The following SVEP1 variants were observed in gnomAD, a reference collection of about 807,000 sequenced individuals.
SVEP1 encodes the protein sushi, von Willebrand factor type A, EGF and pentraxin domain containing 1.
A neutral mutation model predicts 367.3 loss-of-function variants in SVEP1; 164 were observed. That is an observed-to-expected ratio of 0.45 (90% CI 0.39 to 0.51). SVEP1 has a LOEUF of 0.51. SVEP1 is among the 20% of genes least tolerant of loss of function. The probability of loss-of-function intolerance (pLI) is 0.00; values close to 1 mark genes in which losing one functional copy is unlikely to be tolerated. For missense variants in SVEP1, 4,117 were observed against 4,425.3 expected (o/e 0.93, Z 1.98); for synonymous variants, 1,666 against 1,611.6 (o/e 1.03, Z -0.81).
rs149143822 is a variant in SVEP1, at chr9:110,554,463, A to C, written c.532-4359T>G. Among the ~76,000 whole-genome samples the C allele has an allele frequency of 7.2e-4, 110 of 152,218 alleles. 1 individual carries two copies. In the East Asian group the frequency reaches 0.013, roughly 18 times the overall value. The stretch of plus-strand genomic sequence containing the variant: ...TGGTCTCCAAATACTATTACCCACT[A>C]AAAGGAACCAGGAATTGGTGAAGAA... On this transcript the variant is annotated intron_variant, in intron 1 of 47. Coordinates refer to ENST00000374469, the MANE Select transcript of SVEP1 (RefSeq NM_153366.4).
intron 12 of SVEP1, 150 bp downstream of exon 12, chr9:110,481,092 G>T: frequency 1.8e-6 from 1 of 545,660 alleles, no homozygotes; most frequent in Admixed American, 3.9e-5. Flanking sequence ...TTAAATCCAG[G>T]AAAGAGTAAT....
At chr9:110,533,042 A>C (rs1217886400) in intron 3 of SVEP1, among the ~76,000 whole-genome samples, 3 of 152,096 alleles carry the variant, frequency 2.0e-5, no homozygotes, top group Non-Finnish European at 4.4e-5. Context: ...TAGATGCCTC[A>C]CATGTGCAGT....
Position 110,411,225 on chromosome 9 carries a change from GTA to G in SVEP1, c.6484_6485del (p.Tyr2162GlnfsTer32). ...TGTAAGCCACCATGGCTCCAAAACT[GTA>G]GTTTGATCCACTTGCATAGCCATTC... ...IMNGYASGSN[Y>X]SFGAMVAYSC... is the part of the protein sequence containing the mutation. On this transcript the variant is annotated frameshift_variant, in exon 37 of 48. Coordinates refer to ENST00000374469, the MANE Select transcript of SVEP1 (RefSeq NM_153366.4). LOFTEE classifies it high-confidence loss of function. 1 of 1,614,006 alleles carries G rather than the reference GTA, an allele frequency of 6.2e-7. No homozygotes were observed. The highest frequency in any genetic ancestry group is 8.5e-7 in the Non-Finnish European group (1 of 1,179,890).
chr9:110,525,738 C>T (rs1829931686), intron 3 of SVEP1, among the ~76,000 whole-genome samples: 1 of 151,426 alleles, frequency 6.6e-6, no homozygotes, highest in African/African-American at 2.4e-5. Context: ...AATCCAGAAA[C>T]AGAGCTACAC....
rs9969834 is a variant in SVEP1 at position 110,494,281 on chromosome 9, G to T, written c.1800+2534C>A. Among the ~76,000 whole-genome samples the T allele has an allele frequency of 2.0e-4, 31 of 152,292 alleles. 1 individual carries two copies. The highest frequency in any genetic ancestry group is 7.2e-4 in the African/African-American group (30 of 41,560). On this transcript the variant is annotated intron_variant, in intron 8 of 47. Coordinates refer to ENST00000374469, the MANE Select transcript of SVEP1 (RefSeq NM_153366.4). ...GACAGAGACGGGGAGGCATAGAAGG[G>T]GGAAAATAGCATCAATTGCTCCTCT... is the stretch of plus-strand genomic sequence containing the variant.
At chr9:110,435,209 T>C (rs1174212147) in intron 29 of SVEP1, 32 bp downstream of exon 29, 1 of 1,608,332 alleles carries the variant, frequency 6.2e-7, no homozygotes, top group African/African-American at 1.3e-5. Context: ...GGTCAAGAGA[T>C]AGTGGAGTCT....
chr9:110,377,614 C>T (rs550240668), intron 44 of SVEP1, among the ~76,000 whole-genome samples: 1 of 152,194 alleles, frequency 6.6e-6, no homozygotes, highest in African/African-American at 2.4e-5. Flanking sequence ...ATATTTTTTA[C>T]AACCTGATGT....
intron 46 of SVEP1, among the ~76,000 whole-genome samples, chr9:110,373,892 T>C (rs1827313098): frequency 6.6e-6 from 1 of 152,194 alleles, no homozygotes; most frequent in Non-Finnish European, 1.5e-5. Context: ...GCTAACAGGA[T>C]GTTTTTTACT....
chr9:110,560,736 T>C (rs941202046), intron 1 of SVEP1, among the ~76,000 whole-genome samples: 3 of 152,176 alleles, frequency 2.0e-5, no homozygotes, highest in East Asian at 1.9e-4. Context: ...GAGTAATCTA[T>C]GGTGCCTTCT....
At chr9:110,495,676 AATAAC>A in intron 8 of SVEP1, among the ~76,000 whole-genome samples, 1 of 152,240 alleles carries the variant, frequency 6.6e-6, no homozygotes, top group East Asian at 1.9e-4. Context: ...TAAGTGTAGA[AATAAC>A]ATAATATTTA....
In SVEP1 at chr9:110,446,810, G is replaced by A. The variant is rs73655348; in HGVS notation, c.4261+90C>T. The A allele has an allele frequency of 6.5e-3, 7,915 of 1,216,158 alleles. 238 individuals are homozygous for A. In the African/African-American group the frequency reaches 0.085, roughly 13 times the overall value. The allele number at this position is 1,216,158 out of a possible 1,614,324, so 75.3% of individuals were successfully genotyped here. ...GTGCTTGGCATCGTTTTTGGCCTACGGACACTGCTTGGTGCAGGCAAAATT... is the reference window on the plus strand; with the variant it reads ...GTGCTTGGCATCGTTTTTGGCCTACAGACACTGCTTGGTGCAGGCAAAATT... On this transcript the variant is annotated intron_variant, in intron 25 of 47. Transcript: ENST00000374469.
At chr9:110,555,927 G>A (rs979168028) in intron 1 of SVEP1, among the ~76,000 whole-genome samples, 2 of 152,204 alleles carry the variant, frequency 1.3e-5, no homozygotes, top group Non-Finnish European at 2.9e-5. Flanking sequence ...TTTGTGGAAT[G>A]TATTAGAAGG....
In SVEP1 at chr9:110,411,064, T is replaced by C. The variant is rs762718706; in HGVS notation, c.6647A>G (p.Glu2216Gly). ...EPPKVENGFL[E>G]HTTGRIFESE... Reference sequence around the variant, plus strand: ...ACCATTTGCTAATTGGTCTCTTACCTCCAGAAAGCCATTCTCAACCTTAGG... The same window carrying C: ...ACCATTTGCTAATTGGTCTCTTACCCCCAGAAAGCCATTCTCAACCTTAGG... The change falls in exon 37 of 48, where the codon GAG becomes GGG. Residue 2216 changes from glutamate to glycine, a missense_variant and splice_region_variant. Coordinates refer to ENST00000374469, the MANE Select transcript of SVEP1 (RefSeq NM_153366.4). The C allele has an allele frequency of 6.4e-7, 1 of 1,556,990 alleles. No homozygotes were observed. The highest frequency in any genetic ancestry group is 1.9e-5 in the Admixed American group (1 of 52,526).
At chr9:110,424,928 C>T (rs1289248749) in intron 36 of SVEP1, among the ~76,000 whole-genome samples, 1 of 152,236 alleles carries the variant, frequency 6.6e-6, no homozygotes, top group Non-Finnish European at 1.5e-5. Context: ...CCTGCCTTGG[C>T]CTCCCAAAGT....
intron 36 of SVEP1, among the ~76,000 whole-genome samples, chr9:110,424,956 GAGC>G (rs1217651906): frequency 6.6e-6 from 1 of 152,200 alleles, no homozygotes; most frequent in Non-Finnish European, 1.5e-5. Flanking sequence ...TTACAGGCGT[GAGC>G]CACCACGTCC....
chr9:110,556,978 A>C (rs768782133), intron 1 of SVEP1, among the ~76,000 whole-genome samples: 2 of 152,222 alleles, frequency 1.3e-5, no homozygotes, highest in Non-Finnish European at 2.9e-5. Flanking sequence ...TGTGTTAAGA[A>C]ACATTTAGTC....
rs1827289136 is a variant in SVEP1, at chr9:110,372,231, G to GTTAGT, written c.10601-2220_10601-2216dup. Among the ~76,000 whole-genome samples the GTTAGT allele has an allele frequency of 2.0e-5, 3 of 152,254 alleles. 1 individual carries two copies. In the South Asian group the frequency reaches 6.2e-4, roughly 32 times the overall value. The stretch of plus-strand genomic sequence containing the variant: ...AGCTTTTTCTGAACTTCAACATTTG[G>GTTAGT]TTAGTTTACCCATTTCACTGTTGTC... On this transcript the variant is annotated intron_variant, in intron 46 of 47. Transcript: ENST00000374469.
At chr9:110,367,808 C>T (rs577926075) in intron 47 of SVEP1, among the ~76,000 whole-genome samples, 4 of 152,086 alleles carry the variant, frequency 2.6e-5, no homozygotes, top group Non-Finnish European at 4.4e-5. Context: ...TGGCCAGGCA[C>T]GGTGGCTCAT....
At chr9:110,513,126 A>T (rs1273276652) in intron 4 of SVEP1, 21 bp from the exon 5 acceptor site, 1 of 1,584,964 alleles carries the variant, frequency 6.3e-7, no homozygotes, top group South Asian at 1.2e-5. Flanking sequence ...CAAAAATAAA[A>T]TTGAAAAGCA....
Sources: allele counts gnomAD v4.1 joint callset (sites outside exome capture counted in the v4.1 genomes callset), GRCh38; gene constraint gnomAD v4.1.1; transcripts MANE v1.5; gene names NCBI Gene and HGNC (gene_info 2026-07-23, HGNC 2026-07-21).